Variants in SLC44A5 observed in about 807,000 individuals in gnomAD.
The protein encoded by SLC44A5 is choline transporter-like protein 5.
In SLC44A5, 57 loss-of-function variants were observed where a neutral mutation model predicts 101.8. That is an observed-to-expected ratio of 0.56 (90% CI 0.45 to 0.70). The LOEUF is 0.70. Among genes scored for constraint, SLC44A5 ranks in the 30% least tolerant of loss-of-function variants. The pLI, the probability that SLC44A5 is intolerant of heterozygous loss-of-function variation, is 0.00. For synonymous variants in SLC44A5, 281 were observed against 290.9 expected, an observed-to-expected ratio of 0.97 and a Z score of 0.35; for missense variants, 737 against 853.1, an observed-to-expected ratio of 0.86 and a Z score of 1.70.
chr1:75,711,997 T>G, the SLC44A5 span, among the ~76,000 whole-genome samples: 4 of 152,232 alleles, frequency 2.6e-5, no homozygotes, highest in Non-Finnish European at 5.9e-5. Flanking sequence ...GCTCTATTCT[T>G]TGGCTCTCAA....
chr1:75,353,480 C>T (rs1451715577), intron 3 of SLC44A5, among the ~76,000 whole-genome samples: 1 of 152,158 alleles, frequency 6.6e-6, no homozygotes, highest in Admixed American at 6.5e-5. Flanking sequence ...TTACTGTATG[C>T]CCCACCACTC....
At chr1:75,685,210 CA>C in the SLC44A5 span, among the ~76,000 whole-genome samples, 6 of 152,152 alleles carry the variant, frequency 3.9e-5, no homozygotes, top group Non-Finnish European at 7.4e-5. Context: ...GCCTAGCCCA[CA>C]AAACCATTTT....
At chr1:75,641,665 A>C in the SLC44A5 span, 4 of 1,496,562 alleles carry the variant, frequency 2.7e-6, no homozygotes, top group Non-Finnish European at 3.7e-6. Context: ...CTTCAGCTTG[A>C]AGAATACTAT....
intron 6 of SLC44A5, among the ~76,000 whole-genome samples, chr1:75,251,695 A>G (rs1649592921): frequency 6.6e-6 from 1 of 152,182 alleles, no homozygotes; most frequent in South Asian, 2.1e-4. Context: ...ACATGAAGAA[A>G]CATTATTACA....
At chr1:75,339,356 T>C (rs1307500596) in intron 4 of SLC44A5, among the ~76,000 whole-genome samples, 1 of 152,162 alleles carries the variant, frequency 6.6e-6, no homozygotes, top group Admixed American at 6.6e-5. Flanking sequence ...AGTTTAATAA[T>C]GTAAGGCAGT....
At chr1:75,458,363 T>A (rs1666306688) in intron 2 of SLC44A5, among the ~76,000 whole-genome samples, 1 of 152,142 alleles carries the variant, frequency 6.6e-6, no homozygotes, top group Non-Finnish European at 1.5e-5. Context: ...GGAATTAACA[T>A]CCTGCTAAGA....
the SLC44A5 span, among the ~76,000 whole-genome samples, chr1:75,631,507 G>C: frequency 6.6e-6 from 1 of 150,618 alleles, no homozygotes; most frequent in South Asian, 2.1e-4. Flanking sequence ...CAAGTAGCTG[G>C]GACTATAGGC....
At chr1:75,251,187 C>CA (rs1308009967) in intron 7 of SLC44A5, 23 bp downstream of exon 7, 1 of 1,563,654 alleles carries the variant, frequency 6.4e-7, no homozygotes, top group Admixed American at 1.7e-5. Context: ...CTGACACTAC[C>CA]AGTGAGGCAC....
At chr1:75,607,484 A>G (rs1224232438) in intron 1 of SLC44A5, among the ~76,000 whole-genome samples, 1 of 152,064 alleles carries the variant, frequency 6.6e-6, no homozygotes, top group East Asian at 1.9e-4. Flanking sequence ...AGTGTACAAC[A>G]TGATGATTTG....
At chr1:75,389,794 G>T (rs1289055685) in intron 3 of SLC44A5, among the ~76,000 whole-genome samples, 2 of 151,902 alleles carry the variant, frequency 1.3e-5, no homozygotes, top group South Asian at 2.1e-4. Flanking sequence ...GCTGGCAGAA[G>T]AAAATAAATT....
chr1:75,269,350 G>T (rs1651266415), intron 6 of SLC44A5, among the ~76,000 whole-genome samples: 3 of 151,860 alleles, frequency 2.0e-5, no homozygotes, highest in Admixed American at 6.6e-5. Flanking sequence ...GAAAATATTT[G>T]TTTTTCCTAG....
the SLC44A5 span, among the ~76,000 whole-genome samples, chr1:75,697,735 A>T: frequency 2.2e-4 from 34 of 152,150 alleles, no homozygotes; most frequent in African/African-American, 8.0e-4. Flanking sequence ...TTTCCATCTG[A>T]GGTACCGGGT....
At position 75,300,635 on chromosome 1, in the gene SLC44A5, C is replaced by A; in HGVS notation, c.152G>T (p.Gly51Val). ...ACCCACAAGTCCTAAAACAATGTAG[C>A]CAATAATACACAGTAGGAAGATCAT... Reference protein sequence around the residue: ...CCMIFLLCIIGYIVLGLVAWV... With the variant: ...CCMIFLLCIIVYIVLGLVAWV... Residue 51 changes from glycine to valine, a missense_variant, in exon 5 of 24, where the codon GGC becomes GTC. Physicochemically the swap from Gly to Val is moderately radical, Grantham distance 109. Transcript: ENST00000370859. The A allele has an allele frequency of 6.2e-7, 1 of 1,604,276 alleles. No homozygotes were observed. Among genetic ancestry groups the A allele is most frequent in the Non-Finnish European group, 8.5e-7 (1 of 1,175,340 alleles).
chr1:75,280,420 A>T (rs1652402924), intron 5 of SLC44A5, among the ~76,000 whole-genome samples: 1 of 120,422 alleles, frequency 8.3e-6, no homozygotes, highest in African/African-American at 3.3e-5. Context: ...TATATAATAT[A>T]TATATTGTAT....
intron 1 of SLC44A5, among the ~76,000 whole-genome samples, chr1:75,559,756 T>C (rs1373946875): frequency 2.0e-5 from 3 of 152,016 alleles, no homozygotes; most frequent in African/African-American, 7.2e-5. Context: ...AGACAACCCA[T>C]AGAATGTGAG....
rs549912967 is a variant in SLC44A5, at chr1:75,610,480, G to A, written c.-70+560C>T. Among the ~76,000 whole-genome samples, 4 of 152,198 alleles carry A rather than the reference G, an allele frequency of 2.6e-5. No homozygotes were observed. The East Asian group carries it at 7.7e-4, about 29-fold the overall frequency. On this transcript the variant is annotated intron_variant, in intron 1 of 23. Transcript: ENST00000370859. The stretch of plus-strand genomic sequence containing the variant: ...AAAAAATAATCCAAGGGATCCTTGA[G>A]TATTTTTAAAACATGGCATCTGGTT...
At chr1:75,305,968 G>C (rs939121254) in intron 4 of SLC44A5, among the ~76,000 whole-genome samples, 8 of 152,180 alleles carry the variant, frequency 5.3e-5, no homozygotes, top group Admixed American at 1.3e-4. Context: ...CAGTGTATGG[G>C]CCAAATCTGG....
intron 1 of SLC44A5, 130 bp downstream of exon 1, chr1:75,610,910 C>T: frequency 5.1e-6 from 1 of 197,140 alleles, no homozygotes. Flanking sequence ...AATTTATATT[C>T]AGACTTCACT....
chr1:75,397,996 G>A (rs775482721), intron 2 of SLC44A5, among the ~76,000 whole-genome samples: 8 of 152,144 alleles, frequency 5.3e-5, no homozygotes, highest in Non-Finnish European at 1.2e-4. Context: ...TAAATGAAGT[G>A]CCCAAAATAT....
Sources: allele counts gnomAD v4.1 joint callset (sites outside exome capture counted in the v4.1 genomes callset), GRCh38; gene constraint gnomAD v4.1.1; transcripts MANE v1.5; gene names NCBI Gene and HGNC (gene_info 2026-07-23, HGNC 2026-07-21).